Variants in PTPRK observed in about 807,000 individuals in gnomAD.
PTPRK encodes the protein protein tyrosine phosphatase receptor type K.
In PTPRK, 75 loss-of-function variants were observed where a neutral mutation model predicts 178.0. That is an observed-to-expected ratio of 0.42 (90% confidence interval 0.35 to 0.51). PTPRK has a LOEUF of 0.51. Ranked by LOEUF, PTPRK falls within the 20% of genes least tolerant of loss-of-function variation. PTPRK has a pLI of 0.02. For synonymous variants in PTPRK, 637 were observed against 620.6 expected (o/e 1.03, Z -0.39); for missense variants, 1,441 against 1,797.8 (o/e 0.80, Z 3.59).
chr6:128,313,370 C>T (rs148493236), intron 3 of PTPRK, among the ~76,000 whole-genome samples: 1 of 151,980 alleles, frequency 6.6e-6, no homozygotes, highest in Non-Finnish European at 1.5e-5. Flanking sequence ...GCCTATAATA[C>T]TATTGGAGGA....
At chr6:128,070,132 T>C (rs967054031) in intron 11 of PTPRK, among the ~76,000 whole-genome samples, 2 of 152,148 alleles carry the variant, frequency 1.3e-5, no homozygotes, top group Non-Finnish European at 2.9e-5. Context: ...TAATCTTATA[T>C]ATCTTTTCTC....
At chr6:127,989,408 T>A (rs1776341144) in intron 21 of PTPRK, among the ~76,000 whole-genome samples, 1 of 152,066 alleles carries the variant, frequency 6.6e-6, no homozygotes, top group African/African-American at 2.4e-5. Flanking sequence ...TTTGCCTAAT[T>A]TTTTCATGTT....
At chr6:128,115,896 T>C (rs559787253) in intron 7 of PTPRK, among the ~76,000 whole-genome samples, 1 of 152,156 alleles carries the variant, frequency 6.6e-6, no homozygotes, top group Admixed American at 6.5e-5. Context: ...GTCACTAACT[T>C]GAAAATGTGT....
At chr6:128,003,276 T>C (rs1332426716) in intron 15 of PTPRK, 13 of 1,530,606 alleles carry the variant, frequency 8.5e-6, no homozygotes, top group African/African-American at 2.8e-5. Flanking sequence ...TGCTCTAAAA[T>C]TGTTTTTTAA....
chr6:128,379,576 T>C (rs1837586348), intron 2 of PTPRK, among the ~76,000 whole-genome samples: 1 of 152,220 alleles, frequency 6.6e-6, no homozygotes, highest in Non-Finnish European at 1.5e-5. Context: ...GTGGTGTAAG[T>C]GCTAGAGTCC....
chr6:128,021,419 G>T (rs567665008), intron 13 of PTPRK, among the ~76,000 whole-genome samples: 1 of 152,110 alleles, frequency 6.6e-6, no homozygotes, highest in Non-Finnish European at 1.5e-5. Context: ...GGTGGATCAC[G>T]AGGTCAGGAG....
chr6:128,076,314 A>C (rs1482740610), intron 11 of PTPRK, among the ~76,000 whole-genome samples: 1 of 152,002 alleles, frequency 6.6e-6, no homozygotes, highest in Non-Finnish European at 1.5e-5. Flanking sequence ...TGAAAGTAGG[A>C]ATGTGGTCAG....
At chr6:128,092,372 A>T (rs925039665) in intron 7 of PTPRK, among the ~76,000 whole-genome samples, 2 of 152,178 alleles carry the variant, frequency 1.3e-5, no homozygotes, top group South Asian at 4.1e-4. Flanking sequence ...ACACACACAC[A>T]GACTAAAAAT....
intron 13 of PTPRK, among the ~76,000 whole-genome samples, chr6:128,020,789 A>G (rs1773389499): frequency 1.3e-5 from 2 of 152,202 alleles, no homozygotes; most frequent in Non-Finnish European, 2.9e-5. Context: ...TGAAGGGTTA[A>G]GACTAGCTGT....
At chr6:127,976,395 G>T (rs1461530260) in intron 27 of PTPRK, among the ~76,000 whole-genome samples, 1 of 152,190 alleles carries the variant, frequency 6.6e-6, no homozygotes, top group Non-Finnish European at 1.5e-5. Context: ...GGCCTAGGCT[G>T]TCCAACTTGA....
At chr6:127,999,606 G>C (rs1777560181) in intron 15 of PTPRK, among the ~76,000 whole-genome samples, 1 of 151,966 alleles carries the variant, frequency 6.6e-6, no homozygotes, top group African/African-American at 2.4e-5. Flanking sequence ...GCAAAATGTG[G>C]GTTCCTCCCC....
At chr6:128,335,272 T>A (rs951504124) in intron 2 of PTPRK, among the ~76,000 whole-genome samples, 1 of 152,122 alleles carries the variant, frequency 6.6e-6, no homozygotes, top group Non-Finnish European at 1.5e-5. Flanking sequence ...TTTGAGTGGA[T>A]TGTTGCAAGG....
intron 2 of PTPRK, among the ~76,000 whole-genome samples, chr6:128,326,644 T>C (rs1829610945): frequency 6.6e-6 from 1 of 152,196 alleles, no homozygotes; most frequent in African/African-American, 2.4e-5. Context: ...TAAATAATTA[T>C]ATCTGTGTAA....
chr6:128,435,285 AT>A (rs1373659242), intron 1 of PTPRK, among the ~76,000 whole-genome samples: 2 of 152,190 alleles, frequency 1.3e-5, no homozygotes, highest in Non-Finnish European at 2.9e-5. Context: ...TTTTAAAACA[AT>A]TTCAAACTTT....
intron 3 of PTPRK, among the ~76,000 whole-genome samples, chr6:128,250,625 A>G (rs562689787): frequency 6.6e-6 from 1 of 152,220 alleles, no homozygotes; most frequent in Non-Finnish European, 1.5e-5. Context: ...AAAGTTCTAG[A>G]TAATTTTCCC....
At chr6:128,377,592 G>T (rs936800670) in intron 2 of PTPRK, among the ~76,000 whole-genome samples, 1 of 151,902 alleles carries the variant, frequency 6.6e-6, no homozygotes, top group Non-Finnish European at 1.5e-5. Flanking sequence ...AACTGGAACT[G>T]CCTAAATTTT....
chr6:127,983,140 C>T (rs568065165), intron 23 of PTPRK, 102 bp downstream of exon 23: 1 of 1,311,664 alleles, frequency 7.6e-7, no homozygotes, highest in East Asian at 2.5e-5. Flanking sequence ...ACATGAAAAA[C>T]ATCTCTTTCG....
chr6:128,334,057 C>T (rs1830606058), intron 2 of PTPRK, among the ~76,000 whole-genome samples: 1 of 152,126 alleles, frequency 6.6e-6, no homozygotes, highest in Non-Finnish European at 1.5e-5. Context: ...AGTCAGAATA[C>T]ATACAACATT....
At chr6:128,356,849 T>G (rs934727445) in intron 2 of PTPRK, among the ~76,000 whole-genome samples, 1 of 152,194 alleles carries the variant, frequency 6.6e-6, no homozygotes, top group Non-Finnish European at 1.5e-5. Flanking sequence ...AGGATCAGAG[T>G]TGAAATTGTA....
Sources: allele counts gnomAD v4.1 joint callset (sites outside exome capture counted in the v4.1 genomes callset), GRCh38; gene constraint gnomAD v4.1.1; transcripts MANE v1.5; gene names NCBI Gene and HGNC (gene_info 2026-07-23, HGNC 2026-07-21).